DSP: variants seen among roughly 807,000 people sequenced by gnomAD.
DSP encodes the protein 250/210 kDa paraneoplastic pemphigus antigen.
Under a neutral mutation model 290.6 loss-of-function variants are expected in DSP, and 114 were observed. The ratio of observed to expected loss-of-function variants is 0.39; its 90% confidence interval spans 0.34 to 0.46. The LOEUF (loss-of-function observed/expected upper bound fraction) is 0.46, where lower values mean the gene tolerates loss of function less well. Ranked by LOEUF, DSP falls within the 20% of genes least tolerant of loss-of-function variation. The pLI is 0.99. For missense variants in DSP, 3,230 were observed against 3,495.8 expected (o/e 0.92, Z 1.92); for synonymous variants, 1,311 against 1,316.4 (o/e 1.00, Z 0.09).
In DSP at chr6:7,583,971, G is replaced by A; in HGVS notation, c.6709G>A (p.Glu2237Lys). 6.2e-7 allele frequency: 1 copy of A among 1,614,142 alleles called. No homozygotes were observed. Among genetic ancestry groups the A allele is most frequent in the Non-Finnish European group, 8.5e-7 (1 of 1,180,044 alleles). ...GAGACCGTCCACTGTCAATGAACTG[G>A]AATCTGGTCAGATTTCTTATGACGA... Reference protein sequence around the residue: ...ILRPSTVNELESGQISYDEVG... With the variant: ...ILRPSTVNELKSGQISYDEVG... Residue 2237 changes from glutamate to lysine, a missense_variant, in exon 24 of 24, where the codon GAA (glutamate) becomes AAA (lysine). Coordinates refer to ENST00000379802, the MANE Select transcript of DSP (RefSeq NM_004415.4). This position sits in a 1 kb window ranked among gnomAD's most constrained non-coding sequence, Gnocchi z 4.0.
Position 7,583,946 on chromosome 6 carries a change from G to A in DSP, c.6684G>A (p.Leu2228=). The part of the protein sequence containing the change: ...TVTELVDSGI[L]RPSTVNELES... ...CTGAGCTAGTAGATTCTGGTATATTGAGACCGTCCACTGTCAATGAACTGG... is the reference window on the plus strand; with the variant it reads ...CTGAGCTAGTAGATTCTGGTATATTAAGACCGTCCACTGTCAATGAACTGG... The change falls in exon 24 of 24, where the codon TTG becomes TTA. Residue 2228 remains leucine, a synonymous_variant. Coordinates refer to ENST00000379802, the MANE Select transcript of DSP (RefSeq NM_004415.4). The surrounding 1 kb of genome is among the most constrained non-coding windows in gnomAD (Gnocchi z 4.0). 6.2e-7 allele frequency: 1 copy of A among 1,614,110 alleles called. No homozygotes were observed. The highest frequency in any genetic ancestry group is 8.5e-7 in the Non-Finnish European group (1 of 1,180,032).
chr6:7,551,976 C>A (rs1220153284), intron 1 of DSP, among the ~76,000 whole-genome samples: 1 of 152,152 alleles, frequency 6.6e-6, no homozygotes, highest in Non-Finnish European at 1.5e-5. Flanking sequence ...ACACCTAAGA[C>A]TGAAGTTGGA....
At chr6:7,552,132 C>G (rs1758359072) in intron 1 of DSP, among the ~76,000 whole-genome samples, 1 of 152,138 alleles carries the variant, frequency 6.6e-6, no homozygotes, top group Non-Finnish European at 1.5e-5. Flanking sequence ...TTTCATTGTT[C>G]CAACACTTAA....
intron 1 of DSP, among the ~76,000 whole-genome samples, chr6:7,551,279 CAT>C (rs550590769): frequency 1.3e-5 from 2 of 151,448 alleles, no homozygotes; most frequent in East Asian, 1.9e-4. Flanking sequence ...TAGTCAATAA[CAT>C]ATATATATAT....
rs201397978 is a variant in DSP at position 7,585,453 on chromosome 6, T to C, written c.8191T>C (p.Tyr2731His). ...EAGQRFLEFQ[Y>H]LTGGLVDPEV... ...TGGCCAGCGCTTCCTGGAGTTCCAG[T>C]ACCTCACGGGAGGTCTTGTTGACCC... The change falls in exon 24 of 24, where the codon TAC becomes CAC. Residue 2731 changes from tyrosine to histidine, a missense_variant. By Grantham distance (83) the Tyr-to-His change is moderately conservative. Coordinates refer to ENST00000379802, the MANE Select transcript of DSP (RefSeq NM_004415.4). 1.2e-3 allele frequency: 1,860 copies of C among 1,614,116 alleles called. 38 individuals are homozygous for C. The South Asian group carries it at 0.02, about 17-fold the overall frequency.
chr6:7,577,660 G>A, intron 20 of DSP, 119 bp from the exon 21 acceptor site: 1 of 865,858 alleles, frequency 1.2e-6, no homozygotes. Context: ...GTGGCGCAAA[G>A]TCTTTGGAGT....
Position 7,582,710 on chromosome 6 carries a change from G to C in DSP, c.5448G>C (p.Leu1816=), listed in dbSNP as rs1270969886. 5 of 1,613,500 alleles carry C rather than the reference G, an allele frequency of 3.1e-6. No individual in the cohort carries two copies. The highest frequency in any genetic ancestry group is 4.2e-6 in the Non-Finnish European group (5 of 1,179,776). The change falls in exon 24 of 24, where the codon CTG becomes CTC. Residue 1816 remains leucine, a synonymous_variant. Transcript: ENST00000379802. The surrounding 1 kb of genome is among the most constrained non-coding windows in gnomAD (Gnocchi z 4.2). The part of the protein sequence containing the change: ...TQVVQERESL[L]VKIKVLEQDK... Reference sequence around the variant, plus strand: ...TGGTACAGGAAAGAGAGAGCCTTCTGGTGAAAATCAAAGTCCTGGAGCAAG... The same window carrying C: ...TGGTACAGGAAAGAGAGAGCCTTCTCGTGAAAATCAAAGTCCTGGAGCAAG...
At chr6:7,544,727 C>G (rs1021613757) in intron 1 of DSP, among the ~76,000 whole-genome samples, 8 of 152,130 alleles carry the variant, frequency 5.3e-5, no homozygotes, top group African/African-American at 7.2e-5. Flanking sequence ...GTCCTTTCCA[C>G]GAACAGCACT....
At position 7,581,473 on chromosome 6, in the gene DSP, C is replaced by T. The variant is rs763355815; in HGVS notation, c.5283C>T (p.Asn1761=). Reference sequence around the variant, plus strand: ...GGAGCCAGCTGCAGATCAGCAACAACCGGACCCTGGAACTGCAGGGGCTGA... The same window carrying T: ...GGAGCCAGCTGCAGATCAGCAACAATCGGACCCTGGAACTGCAGGGGCTGA... ...ELRSQLQISN[N]RTLELQGLIN... Residue 1761 remains asparagine (N), a synonymous_variant, in exon 23 of 24, where the codon AAC becomes AAT. Coordinates refer to ENST00000379802, the MANE Select transcript of DSP (RefSeq NM_004415.4). 16 of 1,613,316 alleles carry T rather than the reference C, an allele frequency of 9.9e-6. No homozygotes were observed. The highest frequency in any genetic ancestry group is 8.4e-5 in the Admixed American group (5 of 59,870).
In DSP at chr6:7,581,065, T is replaced by G. The variant is rs1759421725; in HGVS notation, c.4875T>G (p.Val1625=). 6.2e-7 allele frequency: 1 copy of G among 1,613,978 alleles called. No homozygotes were observed. The highest frequency in any genetic ancestry group is 1.1e-5 in the South Asian group (1 of 91,076). ...AGCAGCTGGAGCAGGCATCCATTGT[T>G]AAGAAGAGGAGTGAGGATGACCTCC... is the stretch of plus-strand genomic sequence containing the variant. The part of the protein sequence containing the change: ...LTQQLEQASI[V]KKRSEDDLRQ... Residue 1625 remains valine, a synonymous_variant, in exon 23 of 24, where the codon GTT becomes GTG. Transcript: ENST00000379802.
At chr6:7,574,445 T>C (rs1216031890) in intron 16 of DSP, among the ~76,000 whole-genome samples, 193 bp downstream of exon 16, 2 of 152,220 alleles carry the variant, frequency 1.3e-5, no homozygotes, top group African/African-American at 4.8e-5. Context: ...TATAATGTTA[T>C]CTTAGAACTA....
At position 7,565,720 on chromosome 6, in the gene DSP, A is replaced by G; in HGVS notation, c.939+200A>G. ...ATTATCCTTAGCAAACTTATGCGGG[A>G]ACAGAAAACCAAATACCACATGTTC... On this transcript the variant is annotated intron_variant, in intron 7 of 23. Coordinates refer to ENST00000379802, the MANE Select transcript of DSP (RefSeq NM_004415.4). This position sits in a 1 kb window ranked among gnomAD's most constrained non-coding sequence, Gnocchi z 4.2. The G allele has an allele frequency of 4.7e-6, 3 of 632,886 alleles. No individual in the cohort carries two copies. Among genetic ancestry groups the G allele is most frequent in the Non-Finnish European group, 8.2e-6 (3 of 367,954 alleles). 39.2% of individuals were successfully genotyped at this position (632,886 alleles called of 1,614,324 possible). A position where few individuals can be genotyped will look rare whatever the true frequency, so the allele number is the denominator to read the frequency against.
chr6:7,542,482 A>G (rs569546501), intron 1 of DSP, among the ~76,000 whole-genome samples: 2 of 152,160 alleles, frequency 1.3e-5, no homozygotes, highest in East Asian at 3.9e-4. Context: ...ATCAAAGTAA[A>G]AGAGGAAAGG....
Position 7,582,616 on chromosome 6 carries a change from C to G in DSP, c.5380-26C>G, listed in dbSNP as rs2113697682. On this transcript the variant is annotated intron_variant, in intron 23 of 23. Transcript: ENST00000379802. This position sits in a 1 kb window ranked among gnomAD's most constrained non-coding sequence, Gnocchi z 4.2. Reference sequence around the variant, plus strand: ...GATATGATTCAAAACATTATTTTTTCCCATTTCTTTCTTCTTCAATTCCAG... The same window carrying G: ...GATATGATTCAAAACATTATTTTTTGCCATTTCTTTCTTCTTCAATTCCAG... The G allele has an allele frequency of 1.9e-6, 3 of 1,576,842 alleles. No individual in the cohort carries two copies. In the East Asian group the frequency reaches 6.7e-5, roughly 35 times the overall value.
chr6:7,580,123 G>A lies in DSP; in HGVS notation c.3933G>A (p.Gln1311=). 6.2e-7 allele frequency: 1 copy of A among 1,614,096 alleles called. No individual in the cohort carries two copies. Among genetic ancestry groups the A allele is most frequent in the Non-Finnish European group, 8.5e-7 (1 of 1,179,996 alleles). The stretch of plus-strand genomic sequence containing the variant: ...CTGAGGACAATGCCCGGCACAAGCA[G>A]TCCCTGGAGGAGGCTGCCAAGACCA... ...QRSEDNARHK[Q]SLEEAAKTIQ... The change falls in exon 23 of 24, where the codon CAG becomes CAA. Residue 1311 remains glutamine, a synonymous_variant. Transcript: ENST00000379802. This position sits in a 1 kb window ranked among gnomAD's most constrained non-coding sequence, Gnocchi z 4.2.
chr6:7,564,561 A>G (rs1401940211), intron 6 of DSP, among the ~76,000 whole-genome samples: 1 of 152,200 alleles, frequency 6.6e-6, no homozygotes, highest in African/African-American at 2.4e-5. Context: ...CTAATTATTG[A>G]TGGGTACAAA....
rs554913920 is a variant in DSP, at chr6:7,563,481, A to G, written c.727-255A>G. ...TCTTTAAACTTTAAGACAATTTTCT[A>G]ACACGTGAGTCTTTAAGTGACCCTG... On this transcript the variant is annotated intron_variant, in intron 5 of 23. Coordinates refer to ENST00000379802, the MANE Select transcript of DSP (RefSeq NM_004415.4). Among the ~76,000 whole-genome samples, 29 of 152,220 alleles carry G rather than the reference A, an allele frequency of 1.9e-4. No homozygotes were observed. In the South Asian group the frequency reaches 5.8e-3, roughly 31 times the overall value.
In DSP at chr6:7,547,394, A is replaced by C. The variant is rs137942538; in HGVS notation, c.170+5309A>C. Among the ~76,000 whole-genome samples, 7 of 152,086 alleles carry C rather than the reference A, an allele frequency of 4.6e-5. No homozygotes were observed. The East Asian group carries it at 1.4e-3, about 30-fold the overall frequency. ...AGTTTAGTGAGAAGCTGCAGCAAACAGATCAAAGGTTCTGCTTGGAATTAC... is the reference window on the plus strand; with the variant it reads ...AGTTTAGTGAGAAGCTGCAGCAAACCGATCAAAGGTTCTGCTTGGAATTAC... On this transcript the variant is annotated intron_variant, in intron 1 of 23. Transcript: ENST00000379802.
At position 7,580,292 on chromosome 6, in the gene DSP, A is replaced by G. The variant is rs776626374; in HGVS notation, c.4102A>G (p.Thr1368Ala). ...EIISLKNQFE[T>A]EINITKTTIH... ...CATTAGCTTAAAAAATCAGTTTGAG[A>G]CCGAGATCAACATCACCAAGACCAC... The change falls in exon 23 of 24, where the codon ACC becomes GCC. Residue 1368 changes from threonine (T) to alanine (A), a missense_variant. By Grantham distance (58) the Thr-to-Ala change is moderately conservative. This residue lies in a region of DSP where 1,714 missense variants were observed against 1,844.5 expected (regional missense o/e 0.93). Transcript: ENST00000379802. The surrounding 1 kb of genome is among the most constrained non-coding windows in gnomAD (Gnocchi z 4.2). 5 of 1,613,760 alleles carry G rather than the reference A, an allele frequency of 3.1e-6. No homozygotes were observed. Among genetic ancestry groups the G allele is most frequent in the Non-Finnish European group, 4.2e-6 (5 of 1,179,904 alleles).
Sources: allele counts gnomAD v4.1 joint callset (sites outside exome capture counted in the v4.1 genomes callset), GRCh38; gene constraint gnomAD v4.1.1; regional missense constraint gnomAD v4.1.1; non-coding constraint Gnocchi (gnomAD v3.1); transcripts MANE v1.5; gene names NCBI Gene and HGNC (gene_info 2026-07-23, HGNC 2026-07-21).